VAV1: variants seen among roughly 807,000 people sequenced by gnomAD.
The protein encoded by VAV1 is vav guanine nucleotide exchange factor 1, also known as proto-oncogene vav.
VAV1 carries 33 observed loss-of-function variants against 128.1 expected under a neutral mutation model. The ratio of observed to expected loss-of-function variants is 0.26; its 90% confidence interval spans 0.20 to 0.34. The LOEUF (loss-of-function observed/expected upper bound fraction) is 0.34. Ranked by LOEUF, VAV1 falls within the 10% of genes least tolerant of loss-of-function variation. The pLI is 1.00. For missense variants in VAV1, 715 were observed against 1,093.7 expected, an observed-to-expected ratio of 0.65 and a Z score of 4.88; for synonymous variants, 394 against 409.8, an observed-to-expected ratio of 0.96 and a Z score of 0.47.
intron 1 of VAV1, among the ~76,000 whole-genome samples, chr19:6,799,819 C>G (rs962957683): frequency 1.3e-4 from 18 of 141,596 alleles, no homozygotes; most frequent in Admixed American, 6.4e-4. Context: ...TGCACTCCAG[C>G]CTGGGTGACA....
chr19:6,842,740 G>A (rs1156863420), intron 21 of VAV1, among the ~76,000 whole-genome samples: 1 of 151,930 alleles, frequency 6.6e-6, no homozygotes, highest in Non-Finnish European at 1.5e-5. Context: ...AGGCTGAGGT[G>A]AGAGGATCGC....
chr19:6,836,852 ACACACACACACACACACACACAC>A, intron 20 of VAV1, 110 bp from the exon 21 acceptor site: 1 of 64,398 alleles, frequency 1.6e-5, no homozygotes, highest in Non-Finnish European at 6.1e-5. Context: ...ACACACACAC[ACACACACACACACACACACACAC>A]ACACGAGTGA....
At chr19:6,844,430 T>C (rs986594225) in intron 22 of VAV1, among the ~76,000 whole-genome samples, 4 of 152,112 alleles carry the variant, frequency 2.6e-5, no homozygotes, top group African/African-American at 9.7e-5. Flanking sequence ...TTGGCCAGGC[T>C]GGTCTCGAAC....
At position 6,831,548 on chromosome 19, in the gene VAV1, G is replaced by A. The variant is rs565390152; in HGVS notation, c.1399-543G>A. On this transcript the variant is annotated intron_variant, in intron 14 of 26. Coordinates refer to ENST00000602142, the MANE Select transcript of VAV1 (RefSeq NM_005428.4). Reference sequence around the variant, plus strand: ...AGGCTGGTCTCAAACTCCTGACCTCGTGATCCGCCCACCTCAGCCTCCCAA... The same window carrying A: ...AGGCTGGTCTCAAACTCCTGACCTCATGATCCGCCCACCTCAGCCTCCCAA... Among the ~76,000 whole-genome samples, 3 of 152,216 alleles carry A rather than the reference G, an allele frequency of 2.0e-5. No individual in the cohort carries two copies. In the East Asian group the frequency reaches 5.8e-4, roughly 29 times the overall value.
At chr19:6,790,689 C>A (rs1183122623) in intron 1 of VAV1, among the ~76,000 whole-genome samples, 1 of 152,220 alleles carries the variant, frequency 6.6e-6, no homozygotes, top group Non-Finnish European at 1.5e-5. Context: ...CTGTTCCTTG[C>A]AGAGCAGGGC....
chr19:6,825,186 C>T (rs1971887890), intron 7 of VAV1, 65 bp downstream of exon 7: 1 of 1,584,472 alleles, frequency 6.3e-7, no homozygotes, highest in Non-Finnish European at 8.6e-7. Flanking sequence ...GCCCCTACCT[C>T]TCCCTGGAGT....
intron 1 of VAV1, 152 bp downstream of exon 1, chr19:6,773,163 C>T: frequency 4.6e-6 from 5 of 1,077,134 alleles, no homozygotes; most frequent in South Asian, 1.5e-5. Context: ...GGGGTGGTCA[C>T]AATCTGAGAT....
Position 6,772,781 on chromosome 19 carries a change from A to G in VAV1, c.-27A>G, listed in dbSNP as rs1970531594. On this transcript the variant is annotated 5_prime_UTR_variant, in exon 1 of 27. Transcript: ENST00000602142. This position sits in a 1 kb window ranked among gnomAD's most constrained non-coding sequence, Gnocchi z 4.8. ...TGGGTGGTGGAGGCTGCGAGGGTGCACGGCCGGCCCTGGGCAGGCGGTAGC... is the reference window on the plus strand; with the variant it reads ...TGGGTGGTGGAGGCTGCGAGGGTGCGCGGCCGGCCCTGGGCAGGCGGTAGC... 6.2e-7 allele frequency: 1 copy of G among 1,605,842 alleles called. No individual in the cohort carries two copies. The highest frequency in any genetic ancestry group is 8.5e-7 in the Non-Finnish European group (1 of 1,176,644).
intron 1 of VAV1, among the ~76,000 whole-genome samples, chr19:6,779,994 C>G (rs927991694): frequency 6.7e-6 from 1 of 148,648 alleles, no homozygotes; most frequent in African/African-American, 2.4e-5. Context: ...GCCTGTAGTC[C>G]CAGCTACTCG....
chr19:6,833,447 G>T, intron 16 of VAV1, 81 bp from the exon 17 acceptor site: 1 of 1,431,634 alleles, frequency 7.0e-7, no homozygotes, highest in Non-Finnish European at 9.5e-7. Context: ...AACCCAAGGG[G>T]TCCCTTTATG....
chr19:6,832,475 C>T (rs1357169286), intron 15 of VAV1, among the ~76,000 whole-genome samples: 1 of 150,096 alleles, frequency 6.7e-6, no homozygotes, highest in African/African-American at 2.5e-5. Context: ...TTCTGGTTTC[C>T]TTCCTCCTCC....
intron 1 of VAV1, among the ~76,000 whole-genome samples, chr19:6,810,004 CT>C (rs1209139017): frequency 2.0e-5 from 3 of 151,898 alleles, no homozygotes; most frequent in Admixed American, 1.3e-4. Flanking sequence ...GACCCTGTAT[CT>C]ACAAAAAATA....
chr19:6,781,908 A>T (rs991125908), intron 1 of VAV1, among the ~76,000 whole-genome samples: 4 of 151,970 alleles, frequency 2.6e-5, no homozygotes, highest in Non-Finnish European at 5.9e-5. Context: ...GATTTTTAGG[A>T]GCTCTTTATA....
At chr19:6,811,280 CCCTCTTCGG>C (rs1030779707) in intron 1 of VAV1, among the ~76,000 whole-genome samples, 6 of 152,306 alleles carry the variant, frequency 3.9e-5, no homozygotes, top group African/African-American at 1.4e-4. Context: ...AAGTGATCCA[CCCTCTTCGG>C]CCTCCCATAG....
chr19:6,825,968 G>A (rs577087762), intron 8 of VAV1, among the ~76,000 whole-genome samples: 4 of 152,182 alleles, frequency 2.6e-5, no homozygotes, highest in South Asian at 2.1e-4. Context: ...GCTTGAACCC[G>A]GGAGGCGGAG....
At chr19:6,834,630 A>G (rs539865975) in intron 19 of VAV1, among the ~76,000 whole-genome samples, 5 of 146,592 alleles carry the variant, frequency 3.4e-5, no homozygotes, top group African/African-American at 1.2e-4. Flanking sequence ...AATTAATATA[A>G]TATAGTAATA....
intron 1 of VAV1, among the ~76,000 whole-genome samples, chr19:6,787,573 GATTTATTT>G (rs74174839): frequency 0.023 from 3,327 of 147,160 alleles, 115 homozygotes; most frequent in African/African-American, 0.078. Flanking sequence ...AACTACTCCA[GATTTATTT>G]ATTTATTTAT....
chr19:6,826,311 C>T lies in VAV1; in HGVS notation c.828-301C>T, dbSNP rs1971917700. ...CCAGATCACACCACTGTACTCCAGC[C>T]TGGGAGACAAGCGTGAAACCCCGTC... On this transcript the variant is annotated intron_variant, in intron 8 of 26. Transcript: ENST00000602142. This position sits in a 1 kb window ranked among gnomAD's most constrained non-coding sequence, Gnocchi z 4.1. 6.6e-6 allele frequency among the ~76,000 whole-genome samples: 1 copy of T among 151,990 alleles called. No individual in the cohort carries two copies. Among genetic ancestry groups the T allele is most frequent in the Admixed American group, 6.6e-5 (1 of 15,254 alleles).
chr19:6,788,747 G>A (rs1970949868), intron 1 of VAV1, among the ~76,000 whole-genome samples: 1 of 152,140 alleles, frequency 6.6e-6, no homozygotes, highest in African/African-American at 2.4e-5. Flanking sequence ...GGCTGCTGTG[G>A]CCAGGAGAAT....
Sources: allele counts gnomAD v4.1 joint callset (sites outside exome capture counted in the v4.1 genomes callset), GRCh38; gene constraint gnomAD v4.1.1; non-coding constraint Gnocchi (gnomAD v3.1); transcripts MANE v1.5; gene names NCBI Gene and HGNC (gene_info 2026-07-23, HGNC 2026-07-21).